Variants in PPP2R2B observed in about 807,000 individuals in gnomAD.
PPP2R2B encodes serine/threonine-protein phosphatase 2A 55 kDa regulatory subunit B beta isoform.
A neutral mutation model predicts 46.0 loss-of-function variants in PPP2R2B; 5 were observed. The observed-to-expected ratio is 0.11, with a 90% CI of 0.06 to 0.23. The LOEUF is 0.23. Ranked by LOEUF, PPP2R2B falls within the 10% of genes least tolerant of loss-of-function variation. PPP2R2B has a pLI of 1.00. For missense variants in PPP2R2B, 367 were observed against 575.0 expected (o/e 0.64, Z 3.70); for synonymous variants, 215 against 206.7 (o/e 1.04, Z -0.34).
chr5:146,645,171 T>G (rs1040393222), intron 6 of PPP2R2B, among the ~76,000 whole-genome samples: 4 of 152,214 alleles, frequency 2.6e-5, no homozygotes, highest in Admixed American at 6.5e-5. Context: ...GTTTGATGAG[T>G]GTGATTTCCT....
intron 2 of PPP2R2B, among the ~76,000 whole-genome samples, chr5:146,708,074 GGC>G: frequency 6.6e-6 from 1 of 152,086 alleles, no homozygotes; most frequent in Non-Finnish European, 1.5e-5. Flanking sequence ...TTTATATATA[GGC>G]TGGGCACGGT....
At position 146,972,718 on chromosome 5, in the gene PPP2R2B, A is replaced by C. The variant is rs2151849345; in HGVS notation, c.79+82947T>G. On this transcript the variant is annotated intron_variant, in intron 1 of 8. Transcript: ENST00000336640. Reference sequence around the variant, plus strand: ...GAGAGTAAGACTCCATCTCAAAAAAACAAAAACAAAAACAAAATAGGGAAA... The same window carrying C: ...GAGAGTAAGACTCCATCTCAAAAAACCAAAAACAAAAACAAAATAGGGAAA... 2.0e-5 allele frequency among the ~76,000 whole-genome samples: 3 copies of C among 152,310 alleles called. No homozygotes were observed. The Middle Eastern group carries it at 0.01, about 518-fold the overall frequency.
intron 1 of PPP2R2B, among the ~76,000 whole-genome samples, chr5:147,002,291 A>T (rs900835823): frequency 6.6e-6 from 1 of 152,130 alleles, no homozygotes; most frequent in African/African-American, 2.4e-5. Flanking sequence ...CCCTCTTCAG[A>T]CAAGCAGGCC....
intron 1 of PPP2R2B, among the ~76,000 whole-genome samples, chr5:147,020,395 G>A (rs1336352628): frequency 6.6e-6 from 1 of 151,838 alleles, no homozygotes; most frequent in Non-Finnish European, 1.5e-5. Flanking sequence ...TCATCCCTAG[G>A]TCTACAAAAC....
intron 2 of PPP2R2B, among the ~76,000 whole-genome samples, chr5:146,766,389 C>T (rs1261481161): frequency 1.3e-5 from 2 of 152,174 alleles, no homozygotes; most frequent in African/African-American, 4.8e-5. Flanking sequence ...ATATTCCACC[C>T]CAAATAAACC....
intron 7 of PPP2R2B, among the ~76,000 whole-genome samples, chr5:146,631,442 C>T (rs902660511): frequency 2.6e-5 from 4 of 152,206 alleles, no homozygotes; most frequent in Admixed American, 6.5e-5. Context: ...CTTTAACATT[C>T]ATAAACATCT....
At chr5:146,934,602 A>AG (rs1376117878) in intron 1 of PPP2R2B, among the ~76,000 whole-genome samples, 3 of 150,524 alleles carry the variant, frequency 2.0e-5, no homozygotes, top group Admixed American at 6.6e-5. Flanking sequence ...AAAAAAAAAA[A>AG]AAAAAAAAAA....
intron 1 of PPP2R2B, among the ~76,000 whole-genome samples, chr5:146,955,774 C>CTTTTTTT (rs5872000): frequency 8.6e-6 from 1 of 115,656 alleles, no homozygotes; most frequent in African/African-American, 3.4e-5. Flanking sequence ...CTTTCTATTA[C>CTTTTTTT]TTTTTTTTTT....
At chr5:146,747,190 C>T (rs1753248132) in intron 2 of PPP2R2B, among the ~76,000 whole-genome samples, 1 of 152,184 alleles carries the variant, frequency 6.6e-6, no homozygotes, top group Admixed American at 6.5e-5. Flanking sequence ...TCTGCTATCG[C>T]TGAGTCAGAA....
At chr5:147,022,877 A>G (rs564613484) in intron 1 of PPP2R2B, among the ~76,000 whole-genome samples, 2 of 152,260 alleles carry the variant, frequency 1.3e-5, no homozygotes, top group Admixed American at 6.5e-5. Context: ...ATATCCCTCA[A>G]AAATGAAGGC....
chr5:147,056,017 A>G (rs1480153), upstream of PPP2R2B: 882,900 of 1,278,996 alleles, frequency 0.69, 305,658 homozygotes, highest in African/African-American at 0.77. Flanking sequence ...GCTCCTCTGA[A>G]CAGGATTTGC....
At chr5:146,905,464 G>C (rs1001269646) in intron 1 of PPP2R2B, among the ~76,000 whole-genome samples, 7 of 152,048 alleles carry the variant, frequency 4.6e-5, no homozygotes, top group African/African-American at 1.7e-4. Flanking sequence ...TGGTGGTCTT[G>C]AACTCCAGGC....
intron 2 of PPP2R2B, among the ~76,000 whole-genome samples, chr5:146,812,807 A>ATATATATG (rs1561927662): frequency 1.3e-4 from 8 of 60,736 alleles, no homozygotes; most frequent in Non-Finnish European, 2.2e-4. Flanking sequence ...ATATATATAT[A>ATATATATG]TATATATATA....
At chr5:146,957,380 C>T (rs541059524) in intron 1 of PPP2R2B, among the ~76,000 whole-genome samples, 10 of 152,162 alleles carry the variant, frequency 6.6e-5, no homozygotes, top group East Asian at 1.9e-4. Flanking sequence ...GACTGCCATC[C>T]GATATGATAA....
intron 2 of PPP2R2B, among the ~76,000 whole-genome samples, chr5:146,829,800 C>CT (rs968613367): frequency 5.3e-4 from 80 of 152,080 alleles, no homozygotes; most frequent in South Asian, 2.7e-3. Flanking sequence ...GTAGGAAGGA[C>CT]TTTTTTTTAA....
chr5:146,975,904 A>G (rs13183604), intron 1 of PPP2R2B, among the ~76,000 whole-genome samples: 72,514 of 151,520 alleles, frequency 0.48, 18,758 homozygotes, highest in Middle Eastern at 0.6. Context: ...TAATTTGCAA[A>G]TATTTTCTCC....
intron 1 of PPP2R2B, among the ~76,000 whole-genome samples, chr5:146,934,448 T>C (rs1355806805): frequency 2.0e-5 from 3 of 151,880 alleles, no homozygotes; most frequent in Middle Eastern, 6.8e-3. Context: ...ATAAGCATTT[T>C]TTCATGTGTT....
chr5:146,622,792 G>A (rs1475736348), intron 7 of PPP2R2B, among the ~76,000 whole-genome samples: 1 of 152,166 alleles, frequency 6.6e-6, no homozygotes, highest in East Asian at 1.9e-4. Flanking sequence ...AAGTCATGGG[G>A]CAGAGCACCA....
At chr5:146,743,267 C>G (rs2151223701) in intron 2 of PPP2R2B, among the ~76,000 whole-genome samples, 1 of 152,218 alleles carries the variant, frequency 6.6e-6, no homozygotes, top group East Asian at 1.9e-4. Flanking sequence ...CTTCCCTTTT[C>G]ACCATTCAAA....
Sources: allele counts gnomAD v4.1 joint callset (sites outside exome capture counted in the v4.1 genomes callset), GRCh38; gene constraint gnomAD v4.1.1; transcripts MANE v1.5; gene names NCBI Gene and HGNC (gene_info 2026-07-23, HGNC 2026-07-21).